Variants in MYOCOS observed in about 807,000 individuals in gnomAD.
The protein encoded by MYOCOS is myocilin opposite strand protein.
intron 2 of MYOCOS, among the ~76,000 whole-genome samples, chr1:171,617,213 C>T (rs1396584857): frequency 1.3e-5 from 2 of 152,102 alleles, no homozygotes; most frequent in Admixed American, 1.3e-4. Context: ...CTGCCTATAG[C>T]CTCCCAAGTG....
chr1:171,616,259 G>A (rs1298691414), intron 2 of MYOCOS, among the ~76,000 whole-genome samples: 2 of 151,500 alleles, frequency 1.3e-5, no homozygotes, highest in African/African-American at 4.9e-5. Flanking sequence ...AAAACAAAGG[G>A]CTGGGCGCAG....
Position 171,615,122 on chromosome 1 carries a change from C to T in MYOCOS, c.-44+117C>T, listed in dbSNP as rs1214800142. On this transcript the variant is annotated intron_variant, in intron 2 of 3. Coordinates refer to the MYOCOS transcript ENST00000636697. The stretch of plus-strand genomic sequence containing the variant: ...GCTTTTACTCTGTGAAATAAAAAGC[C>T]ATGGCGAGTTTGGAGCAGAGTGGTA... 2.0e-5 allele frequency: 3 copies of T among 152,180 alleles called. No individual in the cohort carries two copies. The East Asian group carries it at 5.8e-4, about 29-fold the overall frequency. 9.4% of individuals were successfully genotyped at this position (152,180 alleles called of 1,614,324 possible). A position where few individuals can be genotyped will look rare whatever the true frequency, so the allele number is the denominator to read the frequency against.
At chr1:171,612,834 A>AAAAAC (rs941496720) in intron 1 of MYOCOS, among the ~76,000 whole-genome samples, 2 of 152,224 alleles carry the variant, frequency 1.3e-5, no homozygotes, top group Non-Finnish European at 2.9e-5. Flanking sequence ...CCATCTCAAA[A>AAAAAC]AAAACAAAAC....
At chr1:171,623,439 G>A (rs1195581893) in intron 1 of MYOCOS, among the ~76,000 whole-genome samples, 1 of 152,116 alleles carries the variant, frequency 6.6e-6, no homozygotes, top group African/African-American at 2.4e-5. Flanking sequence ...AGCCCTGTGA[G>A]AAAAGGGCTC....
chr1:171,605,396 A>ACACACACAC (rs1415539776), intron 1 of MYOCOS, among the ~76,000 whole-genome samples: 44,184 of 119,782 alleles, frequency 0.37, 7,203 homozygotes, highest in Non-Finnish European at 0.44. Context: ...CACACACACA[A>ACACACACAC]AAAAAAAAAA....
chr1:171,603,107 C>T (rs991697064), intron 1 of MYOCOS, among the ~76,000 whole-genome samples: 48 of 152,196 alleles, frequency 3.2e-4, no homozygotes, highest in African/African-American at 1.0e-3. Context: ...TGCTATATCC[C>T]GAAGTCCCTG....
intron 1 of MYOCOS, among the ~76,000 whole-genome samples, chr1:171,607,917 A>G (rs1461109977): frequency 6.6e-6 from 1 of 152,226 alleles, no homozygotes; most frequent in African/African-American, 2.4e-5. Flanking sequence ...TCGCAGTTCC[A>G]TGTGGCCGGG....
At chr1:171,614,069 A>G (rs578104345) in intron 1 of MYOCOS, among the ~76,000 whole-genome samples, 3 of 152,304 alleles carry the variant, frequency 2.0e-5, no homozygotes, top group Admixed American at 1.3e-4. Flanking sequence ...CTGCCAATTT[A>G]TTCCCTTCCA....
intron 1 of MYOCOS, among the ~76,000 whole-genome samples, chr1:171,607,104 A>G (rs1016984767): frequency 6.6e-6 from 1 of 151,662 alleles, no homozygotes. Flanking sequence ...AAAAAAAAAA[A>G]AAAAAAAAAA....
upstream of MYOCOS, among the ~76,000 whole-genome samples, chr1:171,620,795 C>T (rs1652550023): frequency 1.9e-5 from 2 of 107,548 alleles, no homozygotes; most frequent in African/African-American, 3.7e-5. Flanking sequence ...TTTTTTGAGA[C>T]GGAGTCTCGT....
intron 1 of MYOCOS, among the ~76,000 whole-genome samples, chr1:171,612,215 G>A (rs1219443412): frequency 1.3e-5 from 2 of 151,884 alleles, no homozygotes; most frequent in African/African-American, 4.8e-5. Context: ...AGTAGCTGGG[G>A]TTACAGGCAT....
chr1:171,601,496 A>C (rs1652141443), intron 1 of MYOCOS, among the ~76,000 whole-genome samples: 2 of 152,016 alleles, frequency 1.3e-5, no homozygotes, highest in African/African-American at 2.4e-5. Flanking sequence ...AAAAAAAAAA[A>C]ATAGGTCAGG....
chr1:171,612,288 C>T (rs925637703), intron 1 of MYOCOS, among the ~76,000 whole-genome samples: 2 of 151,368 alleles, frequency 1.3e-5, no homozygotes, highest in Admixed American at 6.6e-5. Context: ...CATGTTGGCC[C>T]GGCTGGTCTC....
chr1:171,626,607 A>T lies in MYOCOS; in HGVS notation c.*6A>T. The T allele has an allele frequency of 2.5e-6, 1 of 398,592 alleles. No homozygotes were observed. Among genetic ancestry groups the T allele is most frequent in the Non-Finnish European group, 4.4e-6 (1 of 226,046 alleles). The allele number at this position is 398,592 out of a possible 1,614,324, so 24.7% of individuals were successfully genotyped here. On this transcript the variant is annotated 3_prime_UTR_variant, in exon 3 of 3. Coordinates refer to ENST00000637642, the MANE Select transcript of MYOCOS (RefSeq NM_001391940.1). ...AGGATCCCACGGTCTCCTAAGATGTAAAACTTATTTTGAAGTGAATTCTTA... is the reference window on the plus strand; with the variant it reads ...AGGATCCCACGGTCTCCTAAGATGTTAAACTTATTTTGAAGTGAATTCTTA...
chr1:171,612,424 T>C (rs1652374651), intron 1 of MYOCOS, among the ~76,000 whole-genome samples: 1 of 152,078 alleles, frequency 6.6e-6, no homozygotes, highest in Non-Finnish European at 1.5e-5. Flanking sequence ...GGGTTATTCC[T>C]ACCCATCACA....
chr1:171,614,492 G>C (rs1455608436), intron 1 of MYOCOS, among the ~76,000 whole-genome samples: 3 of 152,330 alleles, frequency 2.0e-5, no homozygotes, highest in Non-Finnish European at 4.4e-5. Context: ...TTGAAGCAAG[G>C]GGGCTGAGCC....
At chr1:171,601,843 GA>G (rs1652148905) in intron 1 of MYOCOS, among the ~76,000 whole-genome samples, 1 of 152,166 alleles carries the variant, frequency 6.6e-6, no homozygotes, top group South Asian at 2.1e-4. Context: ...GAGAGAAAAA[GA>G]GACCATCTAT....
intron 1 of MYOCOS, among the ~76,000 whole-genome samples, chr1:171,622,947 G>C (rs543118571): frequency 1.3e-5 from 2 of 152,116 alleles, no homozygotes; most frequent in Admixed American, 1.3e-4. Flanking sequence ...GAAGCAAAAG[G>C]GCCAGGCATG....
At chr1:171,614,022 G>C (rs57057228) in intron 1 of MYOCOS, among the ~76,000 whole-genome samples, 12,518 of 152,114 alleles carry the variant, frequency 0.082, 1,729 homozygotes, top group African/African-American at 0.29. Flanking sequence ...ATAATTAGTA[G>C]TTCCCCTGAA....
Sources: gnomAD v4.1 joint callset for allele counts (sites outside exome capture counted in the v4.1 genomes callset) on GRCh38, gnomAD v4.1.1 for gene constraint, MANE v1.5 for transcripts, NCBI Gene and HGNC (gene_info 2026-07-23, HGNC 2026-07-21) for gene names.